The following WWOX variants were observed in gnomAD, a reference collection of about 807,000 sequenced individuals.
WWOX encodes the protein WW domain-containing oxidoreductase.
Under a neutral mutation model 46.2 loss-of-function variants are expected in WWOX, and 69 were observed. The ratio of observed to expected loss-of-function variants is 1.49; its 90% CI spans 1.23 to 1.82. The LOEUF is 1.82. WWOX is among the 40% of genes most tolerant of loss of function. WWOX has a pLI of 0.00. For missense variants in WWOX, 919 were observed against 542.6 expected (o/e 1.69, Z -6.89); for synonymous variants, 359 against 202.6 (o/e 1.77, Z -6.56).
intron 4 of WWOX, among the ~76,000 whole-genome samples, chr16:78,141,367 C>T (rs1288898315): frequency 1.3e-5 from 2 of 151,332 alleles, no homozygotes; most frequent in Admixed American, 1.3e-4. Flanking sequence ...ATAGTGTTTT[C>T]ACAGGTCTCT....
chr16:78,882,932 C>T lies in WWOX; in HGVS notation c.1057-328676C>T, dbSNP rs997753920. Among the ~76,000 whole-genome samples the T allele has an allele frequency of 5.9e-5, 9 of 151,928 alleles. No homozygotes were observed. In the South Asian group the frequency reaches 8.3e-4, roughly 14 times the overall value. On this transcript the variant is annotated intron_variant, in intron 8 of 8. Coordinates refer to ENST00000566780, the MANE Select transcript of WWOX (RefSeq NM_016373.4). ...AGAGCATAGCCTGTCTTCCAGGAACCGGCACCAGCGATGTCGTAGGCTGAG... is the reference window on the plus strand; with the variant it reads ...AGAGCATAGCCTGTCTTCCAGGAACTGGCACCAGCGATGTCGTAGGCTGAG...
chr16:78,420,593 A>G (rs1467737467), intron 6 of WWOX, among the ~76,000 whole-genome samples: 2 of 151,500 alleles, frequency 1.3e-5, no homozygotes, highest in Admixed American at 6.6e-5. Context: ...CAGAAAGTAC[A>G]CTGATGGTGT....
Position 78,099,865 on chromosome 16 carries a change from C to T in WWOX, c.87C>T (p.Asp29=). The change falls in exon 1 of 9, where the codon GAC becomes GAT. Residue 29 remains aspartate, a synonymous_variant. Transcript: ENST00000566780. ...GCTGGGAGGAGAGAACCACCAAGGA[C>T]GGCTGGGTTTACTACGCCAAGTAAG... The part of the protein sequence containing the change: ...PPGWEERTTK[D]GWVYYANHTE... 2 of 1,575,332 alleles carry T rather than the reference C, an allele frequency of 1.3e-6. No individual in the cohort carries two copies. Among genetic ancestry groups the T allele is most frequent in the South Asian group, 1.2e-5 (1 of 85,466 alleles).
intron 8 of WWOX, among the ~76,000 whole-genome samples, chr16:79,029,879 A>G (rs1045327462): frequency 6.6e-6 from 1 of 152,228 alleles, no homozygotes; most frequent in Non-Finnish European, 1.5e-5. Flanking sequence ...ACTATCAAAT[A>G]GAAAATCGAA....
At chr16:79,095,358 A>G (rs369654885) in intron 8 of WWOX, among the ~76,000 whole-genome samples, 4 of 152,240 alleles carry the variant, frequency 2.6e-5, no homozygotes, top group East Asian at 1.9e-4. Flanking sequence ...AATCCTCATA[A>G]TGGTCCCTTG....
intron 8 of WWOX, among the ~76,000 whole-genome samples, chr16:78,596,018 A>T (rs532463477): frequency 6.6e-6 from 1 of 152,298 alleles, no homozygotes; most frequent in African/African-American, 2.4e-5. Flanking sequence ...AAAATACTAA[A>T]TGGTAGGAAG....
chr16:78,893,161 C>A (rs564242792), intron 8 of WWOX, among the ~76,000 whole-genome samples: 1 of 151,198 alleles, frequency 6.6e-6, no homozygotes, highest in Non-Finnish European at 1.5e-5. Context: ...GTCACAAAGA[C>A]ACACGACTAT....
intron 5 of WWOX, among the ~76,000 whole-genome samples, chr16:78,337,527 T>A (rs1020026446): frequency 6.6e-6 from 1 of 152,174 alleles, no homozygotes; most frequent in Non-Finnish European, 1.5e-5. Flanking sequence ...GCTGCTTGTG[T>A]TGTACATTCT....
At chr16:78,697,185 T>A (rs1054753247) in intron 8 of WWOX, among the ~76,000 whole-genome samples, 2 of 152,228 alleles carry the variant, frequency 1.3e-5, no homozygotes, top group African/African-American at 4.8e-5. Flanking sequence ...TACCCATTAG[T>A]GGGATTGCTG....
At chr16:78,849,805 G>T (rs2052396279) in intron 8 of WWOX, among the ~76,000 whole-genome samples, 1 of 152,048 alleles carries the variant, frequency 6.6e-6, no homozygotes, top group African/African-American at 2.4e-5. Context: ...GGGCGTGGTG[G>T]CTCATGCCTG....
At chr16:78,889,010 C>T (rs1309539992) in intron 8 of WWOX, among the ~76,000 whole-genome samples, 1 of 152,042 alleles carries the variant, frequency 6.6e-6, no homozygotes, top group African/African-American at 2.4e-5. Context: ...CCAGCTCCCC[C>T]TAGAAACTGA....
chr16:78,487,404 A>G (rs1412252149), intron 8 of WWOX, among the ~76,000 whole-genome samples: 1 of 152,162 alleles, frequency 6.6e-6, no homozygotes, highest in Non-Finnish European at 1.5e-5. Context: ...AATGAGATCT[A>G]TTAAGGATGA....
At chr16:79,029,512 G>C (rs1277115675) in intron 8 of WWOX, among the ~76,000 whole-genome samples, 1 of 152,156 alleles carries the variant, frequency 6.6e-6, no homozygotes, top group Non-Finnish European at 1.5e-5. Flanking sequence ...GGGCAGTGAG[G>C]ACTTTGGAAA....
At chr16:78,523,309 G>C (rs2043388768) in intron 8 of WWOX, among the ~76,000 whole-genome samples, 1 of 152,232 alleles carries the variant, frequency 6.6e-6, no homozygotes, top group African/African-American at 2.4e-5. Flanking sequence ...AGGTAAGGTA[G>C]ACAGCTGTAA....
intron 8 of WWOX, among the ~76,000 whole-genome samples, chr16:78,687,066 T>C (rs993212198): frequency 1.3e-5 from 2 of 148,972 alleles, no homozygotes; most frequent in African/African-American, 4.9e-5. Context: ...TTTATTTTCA[T>C]CTTTATTTTA....
At chr16:79,033,267 C>T (rs947314610) in intron 8 of WWOX, among the ~76,000 whole-genome samples, 1 of 145,976 alleles carries the variant, frequency 6.9e-6, no homozygotes, top group African/African-American at 2.5e-5. Flanking sequence ...TTGTTATTGC[C>T]CCCACCAAAT....
intron 8 of WWOX, among the ~76,000 whole-genome samples, chr16:78,950,133 G>T (rs1032254459): frequency 2.0e-5 from 3 of 152,032 alleles, no homozygotes; most frequent in Non-Finnish European, 2.9e-5. Context: ...TTGTATTTTG[G>T]TTCAAAAAGA....
intron 8 of WWOX, among the ~76,000 whole-genome samples, chr16:79,097,380 C>T (rs1242298464): frequency 2.0e-5 from 3 of 148,664 alleles, no homozygotes; most frequent in African/African-American, 7.6e-5. Flanking sequence ...CACATCACTG[C>T]AGCCCATGGC....
chr16:78,808,237 A>C (rs1224080440), intron 8 of WWOX, among the ~76,000 whole-genome samples: 1 of 152,192 alleles, frequency 6.6e-6, no homozygotes, highest in Non-Finnish European at 1.5e-5. Context: ...AGGGACCCTG[A>C]ACCTCTAGTC....
Sources: gnomAD v4.1 joint callset for allele counts (sites outside exome capture counted in the v4.1 genomes callset) on GRCh38, gnomAD v4.1.1 for gene constraint, MANE v1.5 for transcripts, NCBI Gene and HGNC (gene_info 2026-07-23, HGNC 2026-07-21) for gene names.